Variants in CALM2 observed in about 807,000 individuals in gnomAD.
CALM2 encodes the protein calmodulin 2, also known as calmodulin-2.
A neutral mutation model predicts 19.8 loss-of-function variants in CALM2; 2 were observed. That is an observed-to-expected ratio of 0.10 (90% CI 0.04 to 0.32). The LOEUF (loss-of-function observed/expected upper bound fraction) is 0.32. CALM2 is among the 10% of genes least tolerant of loss of function. CALM2 has a pLI of 1.00. For missense variants in CALM2, 38 were observed against 178.7 expected (o/e 0.21, Z 4.49); for synonymous variants, 51 against 52.1 (o/e 0.98, Z 0.09).
intron 1 of CALM2, among the ~76,000 whole-genome samples, chr2:47,175,081 G>GTTTTTGT (rs1553433852): frequency 2.6e-5 from 2 of 77,964 alleles, no homozygotes; most frequent in East Asian, 6.6e-4. Flanking sequence ...CTCATTAGGT[G>GTTTTTGT]TTTTTTTTTT....
intron 1 of CALM2, among the ~76,000 whole-genome samples, chr2:47,174,934 C>G (rs1292422598): frequency 6.6e-6 from 1 of 152,156 alleles, no homozygotes; most frequent in Non-Finnish European, 1.5e-5. Flanking sequence ...CGTCTCCCCA[C>G]ACCCATACAG....
At chr2:47,168,493 C>CT (rs1262412541) in intron 2 of CALM2, among the ~76,000 whole-genome samples, 1 of 152,088 alleles carries the variant, frequency 6.6e-6, no homozygotes, top group Non-Finnish European at 1.5e-5. Context: ...AATCCCAGCA[C>CT]TTTAGGAGGC....
At chr2:47,161,345 G>A (rs1311165563) in intron 5 of CALM2, among the ~76,000 whole-genome samples, 7 of 152,056 alleles carry the variant, frequency 4.6e-5, no homozygotes, top group South Asian at 2.1e-4. Context: ...AATACAGTGC[G>A]GGGAAAGAAA....
At chr2:47,175,936 G>A (rs1257899413) in intron 1 of CALM2, among the ~76,000 whole-genome samples, 7 of 151,266 alleles carry the variant, frequency 4.6e-5, no homozygotes, top group Non-Finnish European at 1.0e-4. Flanking sequence ...TAACTGCGAC[G>A]CCGACGCTCG....
At chr2:47,169,993 GA>G (rs1392124066) in intron 2 of CALM2, among the ~76,000 whole-genome samples, 107 of 151,318 alleles carry the variant, frequency 7.1e-4, no homozygotes, top group South Asian at 3.1e-3. Context: ...GGCAAGGGGG[GA>G]AAAAAAAGTT....
At chr2:47,171,488 G>T (rs535119723) in intron 1 of CALM2, 3 of 152,188 alleles carry the variant, frequency 2.0e-5, no homozygotes, top group Non-Finnish European at 4.4e-5. Flanking sequence ...TGAGGCTAGG[G>T]TTAAGTGGGA....
chr2:47,174,956 C>G (rs1666797888), intron 1 of CALM2, among the ~76,000 whole-genome samples: 1 of 152,100 alleles, frequency 6.6e-6, no homozygotes. Flanking sequence ...CTGGAGGTTT[C>G]AGTTGGCAAG....
In CALM2 at chr2:47,160,169, T is replaced by TA. The variant is rs1393633086; in HGVS notation, c.*606dup. On this transcript the variant is annotated 3_prime_UTR_variant, in exon 6 of 6. Transcript: ENST00000272298. ...ACTCAGATGCAGAGCAACCATTGGG[T>TA]AAATTGTAATTTTTTTATTGGAAAA... 5.2e-5 allele frequency: 8 copies of TA among 152,624 alleles called. No homozygotes were observed. Among genetic ancestry groups the TA allele is most frequent in the Non-Finnish European group, 7.3e-5 (5 of 68,040 alleles). 9.5% of individuals were successfully genotyped at this position (152,624 alleles called of 1,614,324 possible). A position where few individuals can be genotyped will look rare whatever the true frequency, so the allele number is the denominator to read the frequency against.
intron 5 of CALM2, 46 bp from the exon 6 acceptor site, chr2:47,160,850 CAA>C (rs55773607): frequency 0.052 from 19,047 of 364,706 alleles, 171 homozygotes; most frequent in African/African-American, 0.1. Context: ...AGCAAAAGAC[CAA>C]AAAAAAAAAA....
chr2:47,164,457 T>C (rs1666390774), intron 2 of CALM2, among the ~76,000 whole-genome samples: 1 of 147,138 alleles, frequency 6.8e-6, no homozygotes, highest in Non-Finnish European at 1.5e-5. Flanking sequence ...ACAAGCTGGG[T>C]GTGGCGGCGT....
intron 1 of CALM2, among the ~76,000 whole-genome samples, chr2:47,175,098 T>TTTTTTTTC (rs34858572): frequency 3.1e-5 from 3 of 97,692 alleles, no homozygotes; most frequent in Admixed American, 9.9e-5. Flanking sequence ...TTTTTTTTTT[T>TTTTTTTTC]CAGGAAAGAA....
upstream of CALM2, chr2:47,176,676 G>T: frequency 1.4e-6 from 2 of 1,429,644 alleles, no homozygotes; most frequent in African/African-American, 1.4e-5. Flanking sequence ...TGAGGCAAGA[G>T]ATCAAGGAAA....
chr2:47,168,962 G>C (rs530692264), intron 2 of CALM2, among the ~76,000 whole-genome samples: 2 of 152,104 alleles, frequency 1.3e-5, no homozygotes, highest in African/African-American at 4.8e-5. Flanking sequence ...ATTTTTAGGA[G>C]AGATGGGGTT....
At position 47,172,208 on chromosome 2, in the gene CALM2, C is replaced by T. The variant is rs930885038; in HGVS notation, c.4-1444G>A. 62 of 288,364 alleles carry T rather than the reference C, an allele frequency of 2.2e-4. 1 individual carries two copies. The highest frequency in any genetic ancestry group is 4.9e-5 in the Non-Finnish European group (7 of 144,154). 17.9% of individuals were successfully genotyped at this position (288,364 alleles called of 1,614,324 possible). A position where few individuals can be genotyped will look rare whatever the true frequency, so the allele number is the denominator to read the frequency against. Reference sequence around the variant, plus strand: ...ATTTACTTTGTATTAATAGAAGCTACATTACTTCAGTTTATTGCATTTTGC... The same window carrying T: ...ATTTACTTTGTATTAATAGAAGCTATATTACTTCAGTTTATTGCATTTTGC... On this transcript the variant is annotated intron_variant, in intron 1 of 5. Coordinates refer to ENST00000272298, the MANE Select transcript of CALM2 (RefSeq NM_001743.6).
chr2:47,164,925 T>G (rs1251733631), intron 2 of CALM2, among the ~76,000 whole-genome samples: 6 of 152,220 alleles, frequency 3.9e-5, no homozygotes, highest in African/African-American at 1.4e-4. Context: ...ACCTCTTCCC[T>G]GGACTCAACT....
intron 2 of CALM2, chr2:47,163,800 C>G (rs1184369086): frequency 2.0e-5 from 3 of 152,312 alleles, no homozygotes; most frequent in African/African-American, 7.2e-5. Flanking sequence ...TCCAGACTAC[C>G]TGGCTTCATT....
At chr2:47,176,772 G>C, upstream of CALM2, 1 of 985,456 alleles carries the variant, frequency 1.0e-6, no homozygotes, top group Non-Finnish European at 1.2e-6. Context: ...GCGCTACTTT[G>C]CGGCGCGGAG....
intron 4 of CALM2, 85 bp downstream of exon 4, chr2:47,162,182 AAAAAAAAAAAAAAAAAAAC>A: frequency 2.4e-6 from 1 of 417,882 alleles, no homozygotes; most frequent in Non-Finnish European, 4.2e-6. Flanking sequence ...AAAAAAAAAA[AAAAAAAAAAAAAAAAAAAC>A]AACCAAAAAA....
At chr2:47,165,681 C>G (rs911105494) in intron 2 of CALM2, among the ~76,000 whole-genome samples, 3 of 152,164 alleles carry the variant, frequency 2.0e-5, no homozygotes, top group African/African-American at 7.2e-5. Flanking sequence ...TCTATACCCA[C>G]TTACAACGAA....
Sources: gnomAD v4.1 joint callset for allele counts (sites outside exome capture counted in the v4.1 genomes callset) on GRCh38, gnomAD v4.1.1 for gene constraint, MANE v1.5 for transcripts, NCBI Gene and HGNC (gene_info 2026-07-23, HGNC 2026-07-21) for gene names.